The following FHIT variants were observed in gnomAD, a reference collection of about 807,000 sequenced individuals.
FHIT encodes the protein bis(5'-adenosyl)-triphosphatase.
A neutral mutation model predicts 17.9 loss-of-function variants in FHIT; 19 were observed. The ratio of observed to expected loss-of-function variants is 1.06; its 90% CI spans 0.74 to 1.56. The LOEUF (loss-of-function observed/expected upper bound fraction) is 1.56. FHIT is among the 40% of genes most tolerant of loss of function. The pLI is 0.00. For synonymous variants in FHIT, 81 were observed against 69.7 expected (o/e 1.16, Z -0.81); for missense variants, 248 against 189.2 (o/e 1.31, Z -1.82).
chr3:60,493,652 A>T (rs1452067711), intron 5 of FHIT, among the ~76,000 whole-genome samples: 2 of 152,330 alleles, frequency 1.3e-5, no homozygotes, highest in Middle Eastern at 3.4e-3. Flanking sequence ...AGACATGGAC[A>T]TAAAGAAAAA....
intron 4 of FHIT, among the ~76,000 whole-genome samples, chr3:60,636,150 A>C (rs544189546): frequency 6.6e-6 from 1 of 151,820 alleles, no homozygotes; most frequent in Non-Finnish European, 1.5e-5. Flanking sequence ...GGCTCACTGC[A>C]ACCTCCACCT....
chr3:59,986,758 A>AAATATATAAATATAAATATATTTATAT (rs1708974399), intron 7 of FHIT, among the ~76,000 whole-genome samples: 1 of 33,886 alleles, frequency 3.0e-5, no homozygotes, highest in Non-Finnish European at 5.8e-5. Context: ...ATATATATAT[A>AAATATATAAATATAAATATATTTATAT]AATATATTTA....
chr3:59,768,311 G>A (rs1701902686), intron 8 of FHIT, among the ~76,000 whole-genome samples: 1 of 152,208 alleles, frequency 6.6e-6, no homozygotes, highest in African/African-American at 2.4e-5. Context: ...TCTTGGCACA[G>A]TAGCAGGCCT....
intron 7 of FHIT, among the ~76,000 whole-genome samples, chr3:59,957,540 C>T (rs900805196): frequency 7.2e-5 from 11 of 152,216 alleles, no homozygotes; most frequent in Admixed American, 1.3e-4. Context: ...TGTGTCAACC[C>T]AGTGCTCAGC....
At chr3:61,204,711 A>G (rs1183239368) in intron 1 of FHIT, among the ~76,000 whole-genome samples, 1 of 152,226 alleles carries the variant, frequency 6.6e-6, no homozygotes, top group South Asian at 2.1e-4. Flanking sequence ...AAAAGTGTGG[A>G]TAAGTACACA....
Position 60,247,415 on chromosome 3 carries a change from GGAA to G in FHIT, c.104-233266_104-233264del, listed in dbSNP as rs144149654. ...AGACAGAAGAAGAAAGAAAGAAGAAGGAAGAAGATGATGAAGATGAAGATGAAG... is the reference window on the plus strand; with the variant it reads ...AGACAGAAGAAGAAAGAAAGAAGAAGGAAGATGATGAAGATGAAGATGAAG... On this transcript the variant is annotated intron_variant, in intron 5 of 9. Coordinates refer to ENST00000492590, the MANE Select transcript of FHIT (RefSeq NM_002012.4). 3.0e-3 allele frequency among the ~76,000 whole-genome samples: 453 copies of G among 149,190 alleles called. 2 individuals are homozygous for G. The highest frequency in any genetic ancestry group is 0.01 in the African/African-American group (432 of 41,244).
chr3:60,649,536 C>T (rs2039942801), intron 4 of FHIT, among the ~76,000 whole-genome samples: 1 of 152,156 alleles, frequency 6.6e-6, no homozygotes, highest in African/African-American at 2.4e-5. Flanking sequence ...CAATGTAATA[C>T]TATACTGAAA....
intron 3 of FHIT, among the ~76,000 whole-genome samples, chr3:60,968,668 C>T (rs944830524): frequency 2.6e-5 from 4 of 152,162 alleles, no homozygotes; most frequent in Non-Finnish European, 5.9e-5. Context: ...GCCTTGGCCT[C>T]CCAAAGTGCT....
rs184639577 is a variant in FHIT at position 60,560,368 on chromosome 3, G to T, written c.-17-23389C>A. Among the ~76,000 whole-genome samples, 1,129 of 152,010 alleles carry T rather than the reference G, an allele frequency of 7.4e-3. 11 individuals carry two copies. Among genetic ancestry groups the T allele is most frequent in the African/African-American group, 0.025 (1,038 of 41,462 alleles). On this transcript the variant is annotated intron_variant, in intron 4 of 9. Coordinates refer to ENST00000492590, the MANE Select transcript of FHIT (RefSeq NM_002012.4). ...TGATCTCCTTAAGGGCTGGGAATACGGTCAGAGATTGGGATTGCCTATCAG... is the reference window on the plus strand; with the variant it reads ...TGATCTCCTTAAGGGCTGGGAATACTGTCAGAGATTGGGATTGCCTATCAG...
intron 5 of FHIT, among the ~76,000 whole-genome samples, chr3:60,397,330 A>G (rs1189662390): frequency 6.6e-6 from 1 of 152,160 alleles, no homozygotes; most frequent in Non-Finnish European, 1.5e-5. Context: ...CTTCCAGACC[A>G]TGATGCTAAT....
At chr3:61,239,764 T>TATATATATATATATATATAA in intron 1 of FHIT, among the ~76,000 whole-genome samples, 1 of 56,792 alleles carries the variant, frequency 1.8e-5, no homozygotes, top group Non-Finnish European at 6.7e-5. Context: ...CAACTGGCCA[T>TATATATATATATATATATAA]ATATATATAT....
intron 4 of FHIT, among the ~76,000 whole-genome samples, chr3:60,679,558 T>G (rs1553696268): frequency 6.6e-6 from 1 of 152,112 alleles, no homozygotes; most frequent in East Asian, 1.9e-4. Flanking sequence ...TTTGAAAGAT[T>G]TTAAAACACT....
intron 4 of FHIT, among the ~76,000 whole-genome samples, chr3:60,570,951 T>C (rs1189194306): frequency 6.6e-6 from 1 of 151,952 alleles, no homozygotes; most frequent in Non-Finnish European, 1.5e-5. Flanking sequence ...AATTTTACTC[T>C]ATAAGGGACA....
intron 7 of FHIT, among the ~76,000 whole-genome samples, chr3:59,980,672 T>C (rs534534125): frequency 2.0e-5 from 3 of 152,224 alleles, no homozygotes; most frequent in Middle Eastern, 3.4e-3. Context: ...CAAGGGGCCG[T>C]TTCCCACCAC....
intron 5 of FHIT, among the ~76,000 whole-genome samples, chr3:60,451,853 G>C (rs2031768574): frequency 6.6e-6 from 1 of 152,082 alleles, no homozygotes; most frequent in South Asian, 2.1e-4. Context: ...CACAGCTTTA[G>C]CAAAGGAACA....
chr3:59,756,216 T>G (rs896834857), intron 8 of FHIT, among the ~76,000 whole-genome samples: 2 of 152,144 alleles, frequency 1.3e-5, no homozygotes, highest in African/African-American at 4.8e-5. Context: ...TGGACCTAAC[T>G]AACTACTTTG....
chr3:59,868,741 A>AGGGGGT (rs1350987310), intron 8 of FHIT, among the ~76,000 whole-genome samples: 3 of 152,178 alleles, frequency 2.0e-5, no homozygotes, highest in Non-Finnish European at 4.4e-5. Context: ...CCTGTTCATC[A>AGGGGGT]GGGGGTGGTG....
chr3:59,815,088 G>A (rs1700549925), intron 8 of FHIT, among the ~76,000 whole-genome samples: 1 of 152,140 alleles, frequency 6.6e-6, no homozygotes, highest in African/African-American at 2.4e-5. Context: ...AACCTGGATT[G>A]AGCATAATGG....
chr3:60,491,610 T>C (rs181144681), intron 5 of FHIT, among the ~76,000 whole-genome samples: 1 of 152,236 alleles, frequency 6.6e-6, no homozygotes, highest in Middle Eastern at 3.2e-3. Flanking sequence ...TGCAGTAATA[T>C]TCCTTTATAT....
Sources: allele counts gnomAD v4.1 joint callset (sites outside exome capture counted in the v4.1 genomes callset), GRCh38; gene constraint gnomAD v4.1.1; transcripts MANE v1.5; gene names NCBI Gene and HGNC (gene_info 2026-07-23, HGNC 2026-07-21).